The following TMTC1 variants were observed in gnomAD, a reference collection of about 807,000 sequenced individuals.
TMTC1 encodes the protein protein O-mannosyl-transferase TMTC1.
TMTC1 carries 73 observed loss-of-function variants against 104.8 expected under a neutral mutation model. The observed-to-expected ratio is 0.70, with a 90% CI of 0.58 to 0.85. The LOEUF (loss-of-function observed/expected upper bound fraction) is 0.85, where lower values mean the gene tolerates loss of function less well. TMTC1 is among the 40% of genes least tolerant of loss of function. TMTC1 has a pLI of 0.00. For missense variants in TMTC1, 1,035 were observed against 1,096.1 expected (o/e 0.94, Z 0.79); for synonymous variants, 434 against 428.7 (o/e 1.01, Z -0.15).
chr12:29,567,242 T>A (rs1945541416), intron 9 of TMTC1, among the ~76,000 whole-genome samples: 1 of 152,184 alleles, frequency 6.6e-6, no homozygotes, highest in African/African-American at 2.4e-5. Flanking sequence ...TTGCCTTGGA[T>A]TCTGTTTTCT....
intron 5 of TMTC1, among the ~76,000 whole-genome samples, chr12:29,644,139 GTGTGTGTGTGTATATATA>G (rs1350766957): frequency 2.0e-5 from 2 of 102,136 alleles, no homozygotes; most frequent in Non-Finnish European, 4.0e-5. Context: ...GTGTGTGTGT[GTGTGTGTGTGTATATATA>G]TATATAATGA....
Position 29,536,242 on chromosome 12 carries a change from T to A in TMTC1, c.1752A>T (p.Ala584=), listed in dbSNP as rs1350908413. ...CCAATAACGAAGCTAAGCTTGAATA[T>A]GCATCTGCAAACTCTGGACCATATT... The part of the protein sequence containing the change: ...SIKYGPEFAD[A]YSSLASLLAE... The change falls in exon 11 of 18, where the codon GCA becomes GCT. Residue 584 remains alanine, a synonymous_variant. Transcript: ENST00000539277. 1.2e-6 allele frequency: 2 copies of A among 1,613,182 alleles called. No individual in the cohort carries two copies. The highest frequency in any genetic ancestry group is 4.5e-5 in the East Asian group (2 of 44,838).
chr12:29,758,778 C>G lies in TMTC1; in HGVS notation c.481-1G>C, dbSNP rs1565818643. 6.3e-7 allele frequency: 1 copy of G among 1,595,526 alleles called. No individual in the cohort carries two copies. The highest frequency in any genetic ancestry group is 2.3e-5 in the East Asian group (1 of 44,408). On this transcript the variant is annotated splice_acceptor_variant, in intron 2 of 17. Coordinates refer to ENST00000539277, the MANE Select transcript of TMTC1 (RefSeq NM_001193451.2). LOFTEE classifies it high-confidence loss of function. ...CCGCTCTGCCAACGATCCCAGCCAC[C>G]TTGGAAGTTAAAATAATAAAAAATG...
Position 29,662,036 on chromosome 12 carries a change from A to G in TMTC1, c.939-28700T>C, listed in dbSNP as rs147240437. 5.8e-4 allele frequency among the ~76,000 whole-genome samples: 88 copies of G among 152,330 alleles called. 1 individual carries two copies. The highest frequency in any genetic ancestry group is 1.8e-3 in the African/African-American group (76 of 41,564). ...ATTAAGAAGCCCCAAATGAAAACAT[A>G]AAATAAGTCATAAGTCATTTTCACC... On this transcript the variant is annotated intron_variant, in intron 5 of 17. Transcript: ENST00000539277.
intron 2 of TMTC1, among the ~76,000 whole-genome samples, chr12:29,764,254 A>G (rs1943414314): frequency 6.6e-6 from 1 of 152,268 alleles, no homozygotes; most frequent in African/African-American, 2.4e-5. Flanking sequence ...TATCACAGGC[A>G]GAAATTTCAA....
intron 11 of TMTC1, chr12:29,521,061 C>T (rs1179791991): frequency 5.4e-6 from 1 of 186,418 alleles, no homozygotes; most frequent in African/African-American, 2.4e-5. Flanking sequence ...GCCCTTCACC[C>T]CGGTGACTCT....
At chr12:29,528,893 TA>T (rs1385795109) in intron 11 of TMTC1, among the ~76,000 whole-genome samples, 1 of 151,692 alleles carries the variant, frequency 6.6e-6, no homozygotes, top group African/African-American at 2.4e-5. Flanking sequence ...TATATTTATA[TA>T]AAAATAATTA....
intron 5 of TMTC1, among the ~76,000 whole-genome samples, chr12:29,697,028 A>T (rs959779919): frequency 6.6e-6 from 1 of 152,256 alleles, no homozygotes; most frequent in African/African-American, 2.4e-5. Flanking sequence ...AACTAGAATC[A>T]TAAGTTCCAT....
At chr12:29,594,827 C>T (rs1946366631) in intron 7 of TMTC1, among the ~76,000 whole-genome samples, 1 of 152,122 alleles carries the variant, frequency 6.6e-6, no homozygotes, top group Non-Finnish European at 1.5e-5. Flanking sequence ...TTGCAGAATG[C>T]TAACTTGCTA....
chr12:29,526,215 C>A (rs1426455556), intron 11 of TMTC1, among the ~76,000 whole-genome samples: 2 of 152,068 alleles, frequency 1.3e-5, no homozygotes, highest in Admixed American at 6.6e-5. Flanking sequence ...TCAGTTTATC[C>A]CTCCTATGAT....
rs80133486 is a variant in TMTC1, at chr12:29,573,785, GGA to G, written c.1419-1569_1419-1568del. Among the ~76,000 whole-genome samples the G allele has an allele frequency of 7.3e-3, 1,116 of 152,246 alleles. 25 individuals carry two copies. The highest frequency in any genetic ancestry group is 0.054 in the East Asian group (281 of 5,170). On this transcript the variant is annotated intron_variant, in intron 8 of 17. Coordinates refer to ENST00000539277, the MANE Select transcript of TMTC1 (RefSeq NM_001193451.2). ...GCTGGATCATGCTAAGTCTTAGCGT[GGA>G]GAGAGTCTAACGGGCCCTGTGAGTC...
chr12:29,766,206 A>G (rs1438494507), intron 2 of TMTC1, among the ~76,000 whole-genome samples: 2 of 152,202 alleles, frequency 1.3e-5, no homozygotes, highest in Non-Finnish European at 2.9e-5. Flanking sequence ...ATCTTTCTTC[A>G]TCACCCAATC....
chr12:29,577,648 A>T (rs11050300), intron 8 of TMTC1, among the ~76,000 whole-genome samples: 1 of 152,026 alleles, frequency 6.6e-6, no homozygotes, highest in Non-Finnish European at 1.5e-5. Flanking sequence ...TGGTCCAGTC[A>T]TAAGTGACAG....
chr12:29,674,737 C>T (rs1316550937), intron 5 of TMTC1, among the ~76,000 whole-genome samples: 1 of 152,144 alleles, frequency 6.6e-6, no homozygotes, highest in South Asian at 2.1e-4. Flanking sequence ...CTTTACCTGC[C>T]GTAAAGAAGG....
chr12:29,565,461 A>G (rs1347392708), intron 9 of TMTC1, among the ~76,000 whole-genome samples: 1 of 152,200 alleles, frequency 6.6e-6, no homozygotes, highest in Admixed American at 6.5e-5. Flanking sequence ...AGATAGACGT[A>G]ATTTAGGATC....
intron 13 of TMTC1, among the ~76,000 whole-genome samples, chr12:29,518,227 C>G (rs1944046077): frequency 6.6e-6 from 1 of 152,298 alleles, no homozygotes; most frequent in South Asian, 2.1e-4. Flanking sequence ...AAACAACAAA[C>G]TGACTAAAGT....
chr12:29,740,273 G>A (rs1045786683), intron 5 of TMTC1, among the ~76,000 whole-genome samples: 5 of 152,178 alleles, frequency 3.3e-5, no homozygotes, highest in African/African-American at 1.2e-4. Flanking sequence ...ATTAATCCTG[G>A]GTGAGTCTGT....
intron 5 of TMTC1, chr12:29,660,984 G>A: frequency 5.3e-6 from 3 of 567,628 alleles, no homozygotes; most frequent in Non-Finnish European, 7.7e-6. Context: ...GAAGGCTGCA[G>A]AGAACAATGC....
chr12:29,541,899 C>T (rs2060569), intron 10 of TMTC1, among the ~76,000 whole-genome samples: 28,239 of 151,940 alleles, frequency 0.19, 3,080 homozygotes, highest in East Asian at 0.38. Flanking sequence ...CCTCGTGATC[C>T]GCCTGCCTCG....
Sources: gnomAD v4.1 joint callset for allele counts (sites outside exome capture counted in the v4.1 genomes callset) on GRCh38, gnomAD v4.1.1 for gene constraint, MANE v1.5 for transcripts, NCBI Gene and HGNC (gene_info 2026-07-23, HGNC 2026-07-21) for gene names.